Variants in NFIC observed in about 807,000 individuals in gnomAD.
The protein encoded by NFIC is nuclear factor I C.
Under a neutral mutation model 54.4 loss-of-function variants are expected in NFIC, and 12 were observed. The observed-to-expected ratio is 0.22, with a 90% CI of 0.14 to 0.36. NFIC has a LOEUF of 0.36. Ranked by LOEUF, NFIC falls within the 10% of genes least tolerant of loss-of-function variation. The pLI is 1.00. For synonymous variants in NFIC, 322 were observed against 319.2 expected (o/e 1.01, Z -0.09); for missense variants, 575 against 718.2 (o/e 0.80, Z 2.28).
intron 2 of NFIC, among the ~76,000 whole-genome samples, chr19:3,395,316 A>G (rs1236614939): frequency 1.3e-5 from 2 of 151,770 alleles, no homozygotes; most frequent in Non-Finnish European, 2.9e-5. Flanking sequence ...CAGAGATCGC[A>G]CCACTGTACT....
chr19:3,388,837 T>G (rs557703109), intron 2 of NFIC, among the ~76,000 whole-genome samples: 1 of 21,182 alleles, frequency 4.7e-5, no homozygotes, highest in Non-Finnish European at 7.0e-5. Context: ...CTAAAAACCG[T>G]TTTTTTTAAG....
intron 2 of NFIC, among the ~76,000 whole-genome samples, chr19:3,417,164 C>T (rs889560289): frequency 1.3e-5 from 2 of 151,678 alleles, no homozygotes; most frequent in Non-Finnish European, 2.9e-5. Flanking sequence ...GGATTACAGG[C>T]GTGTGCCACC....
At chr19:3,365,350 T>A (rs948078912), upstream of NFIC, among the ~76,000 whole-genome samples, 12 of 152,298 alleles carry the variant, frequency 7.9e-5, no homozygotes, top group Admixed American at 7.8e-4. Context: ...TCTGCTAAGG[T>A]CATTGTCCTT....
chr19:3,382,011 C>A lies in NFIC; in HGVS notation c.330C>A (p.Asp110Glu). 6.2e-7 allele frequency: 1 copy of A among 1,613,582 alleles called. No homozygotes were observed. The highest frequency in any genetic ancestry group is 8.5e-7 in the Non-Finnish European group (1 of 1,179,928). Residue 110 changes from aspartate to glutamate, a missense_variant, in exon 2 of 11, where the codon GAC (aspartate) becomes GAA (glutamate). By Grantham distance (45) the Asp-to-Glu change is conservative. Coordinates refer to ENST00000443272, the MANE Select transcript of NFIC (RefSeq NM_001245002.2). ...KAPGCVLSNP[D>E]QKGKMRRIDC... is the part of the protein sequence containing the mutation. Reference sequence around the variant, plus strand: ...CGGGCTGCGTGCTCTCCAACCCCGACCAGAAGGGCAAGATGCGGCGCATCG... The same window carrying A: ...CGGGCTGCGTGCTCTCCAACCCCGAACAGAAGGGCAAGATGCGGCGCATCG...
intron 2 of NFIC, among the ~76,000 whole-genome samples, chr19:3,417,807 T>G (rs2081889340): frequency 6.8e-6 from 1 of 146,680 alleles, no homozygotes; most frequent in Admixed American, 6.8e-5. Context: ...TTTTTTTTTT[T>G]GTATTTTTTT....
chr19:3,380,948 C>G (rs2081196022), intron 1 of NFIC, among the ~76,000 whole-genome samples: 1 of 152,110 alleles, frequency 6.6e-6, no homozygotes, highest in Non-Finnish European at 1.5e-5. Context: ...GCCATTACAC[C>G]CAGCCCAACC....
chr19:3,455,466 G>A (rs192261442), intron 9 of NFIC, among the ~76,000 whole-genome samples: 157 of 140,706 alleles, frequency 1.1e-3, no homozygotes, highest in Admixed American at 2.3e-3. Flanking sequence ...CTCAGGGCTC[G>A]GTGGGATTAT....
intron 3 of NFIC, among the ~76,000 whole-genome samples, chr19:3,431,639 G>A (rs1173557529): frequency 8.5e-5 from 13 of 152,058 alleles, no homozygotes. Flanking sequence ...AAAGTGCTGG[G>A]ACTATAGGCA....
chr19:3,381,606 C>G lies in NFIC; in HGVS notation c.31-106C>G, dbSNP rs868421891. 3.6e-5 allele frequency: 53 copies of G among 1,455,702 alleles called. 2 individuals carry two copies. In the South Asian group the frequency reaches 7.2e-4, roughly 20 times the overall value. The allele number at this position is 1,455,702 out of a possible 1,614,324, so 90.2% of individuals were successfully genotyped here. On this transcript the variant is annotated intron_variant, in intron 1 of 10. Transcript: ENST00000443272. ...CCACCTCTGCCCAGCCCCTCCCACT[C>G]TGCGGGTCTGTTCAGGGCCCCTCCG...
At chr19:3,372,584 C>A (rs938929228) in intron 1 of NFIC, among the ~76,000 whole-genome samples, 4 of 152,074 alleles carry the variant, frequency 2.6e-5, no homozygotes. Context: ...ATGTGGTGTG[C>A]GACCGACCTC....
chr19:3,394,248 G>A (rs2081421811), intron 2 of NFIC, among the ~76,000 whole-genome samples: 1 of 152,066 alleles, frequency 6.6e-6, no homozygotes, highest in South Asian at 2.1e-4. Context: ...GGAGGCTGAG[G>A]TGGGAGGATC....
rs958200321 is a variant in NFIC, at chr19:3,370,474, C to T, written c.30+3808C>T. 1.4e-5 allele frequency among the ~76,000 whole-genome samples: 2 copies of T among 143,430 alleles called. No individual in the cohort carries two copies. Among genetic ancestry groups the T allele is most frequent in the Non-Finnish European group, 3.0e-5 (2 of 66,792 alleles). 94.1% of individuals were successfully genotyped at this position (143,430 alleles called of 152,430 possible). A position where few individuals can be genotyped will look rare whatever the true frequency, so the allele number is the denominator to read the frequency against. ...AAAGCTGGGATTCTGGCAGAGTCAG[C>T]GTTCTCCTCTCTCTCTCTCTCTCTC... On this transcript the variant is annotated intron_variant, in intron 1 of 10. Transcript: ENST00000443272. The surrounding 1 kb of genome is among the most constrained non-coding windows in gnomAD (Gnocchi z 5.2).
chr19:3,418,038 G>A (rs1169367587), intron 2 of NFIC, among the ~76,000 whole-genome samples: 2 of 151,496 alleles, frequency 1.3e-5, no homozygotes, highest in African/African-American at 4.8e-5. Flanking sequence ...GCCACGTGTG[G>A]CTCTTTGGTG....
chr19:3,433,570 T>C lies in NFIC; in HGVS notation c.687T>C (p.Thr229=), dbSNP rs752725950. The change falls in exon 4 of 11, where the codon ACT becomes ACC. Residue 229 remains threonine, a synonymous_variant. Coordinates refer to ENST00000443272, the MANE Select transcript of NFIC (RefSeq NM_001245002.2). ...TCACCTCCGGCGTGTTCAGCGTCAC[T>C]GAGCTCATCCAAGTGTCCCGGAGTG... ...SFVTSGVFSV[T]ELIQVSRTPV... 2 of 1,613,576 alleles carry C rather than the reference T, an allele frequency of 1.2e-6. No individual in the cohort carries two copies. The highest frequency in any genetic ancestry group is 1.7e-5 in the Admixed American group (1 of 60,002).
rs1053615396 is a variant in NFIC at position 3,431,369 on chromosome 19, T to C, written c.635-2149T>C. ...TTTTCTTTTCCTTCTTCTTTTTTTTTTTTTTTTTTTTTTTTTTGAGACAGG... is the reference window on the plus strand; with the variant it reads ...TTTTCTTTTCCTTCTTCTTTTTTTTCTTTTTTTTTTTTTTTTTGAGACAGG... On this transcript the variant is annotated intron_variant, in intron 3 of 10. Transcript: ENST00000443272. 2.8e-4 allele frequency among the ~76,000 whole-genome samples: 37 copies of C among 130,278 alleles called. 1 individual carries two copies. Among genetic ancestry groups the C allele is most frequent in the Non-Finnish European group, 1.7e-4 (11 of 63,616 alleles). The allele number at this position is 130,278 out of a possible 152,430, so 85.5% of individuals were successfully genotyped here. A position where few individuals can be genotyped will look rare whatever the true frequency, so the allele number is the denominator to read the frequency against.
Position 3,452,542 on chromosome 19 carries a change from C to G in NFIC, c.1145C>G (p.Pro382Arg). 1 of 1,613,726 alleles carries G rather than the reference C, an allele frequency of 6.2e-7. No individual in the cohort carries two copies. Among genetic ancestry groups the G allele is most frequent in the South Asian group, 1.1e-5 (1 of 91,082 alleles). Residue 382 changes from proline (P) to arginine (R), a missense_variant, in exon 8 of 11, where the codon CCC becomes CGC. By Grantham distance (103) the Pro-to-Arg change is moderately radical (BLOSUM62 -2). This residue lies in a region of NFIC where 447 missense variants were observed against 526.9 expected (regional missense o/e 0.85). Coordinates refer to ENST00000443272, the MANE Select transcript of NFIC (RefSeq NM_001245002.2). The surrounding 1 kb of genome is among the most constrained non-coding windows in gnomAD (Gnocchi z 5.3). ...ALHFPTTSIL[P>R]QTASTYFPHT... Reference sequence around the variant, plus strand: ...CATTTCCCTACGACGTCCATCCTACCCCAGACGGCCTCCACCTACTTCCCC... The same window carrying G: ...CATTTCCCTACGACGTCCATCCTACGCCAGACGGCCTCCACCTACTTCCCC...
At chr19:3,387,171 C>T (rs1329013695) in intron 2 of NFIC, among the ~76,000 whole-genome samples, 2 of 152,132 alleles carry the variant, frequency 1.3e-5, no homozygotes, top group Admixed American at 1.3e-4. Context: ...GGGCACCTGC[C>T]ATGGGGCTGA....
rs1184211402 is a variant in NFIC at position 3,394,527 on chromosome 19, C to CCG, written c.562+12285_562+12286insGC. Among the ~76,000 whole-genome samples, 69 of 62,014 alleles carry CCG rather than the reference C, an allele frequency of 1.1e-3. 14 individuals carry two copies. The highest frequency in any genetic ancestry group is 7.3e-3 in the East Asian group (11 of 1,506). 40.7% of individuals were successfully genotyped at this position (62,014 alleles called of 152,430 possible). On this transcript the variant is annotated intron_variant, in intron 2 of 10. Coordinates refer to ENST00000443272, the MANE Select transcript of NFIC (RefSeq NM_001245002.2). The stretch of plus-strand genomic sequence containing the variant: ...TTTATGATCTTTTCCCCACCCACCC[C>CCG]CCACCCGCTTACACTAAGTCTGAAA...
chr19:3,376,307 G>C (rs1275312503), intron 1 of NFIC, among the ~76,000 whole-genome samples: 1 of 150,758 alleles, frequency 6.6e-6, no homozygotes, highest in Admixed American at 6.6e-5. Context: ...GGCGCACCTG[G>C]AATCCCAGCT....
Sources: allele counts gnomAD v4.1 joint callset (sites outside exome capture counted in the v4.1 genomes callset), GRCh38; gene constraint gnomAD v4.1.1; regional missense constraint gnomAD v4.1.1; non-coding constraint Gnocchi (gnomAD v3.1); transcripts MANE v1.5; gene names NCBI Gene and HGNC (gene_info 2026-07-23, HGNC 2026-07-21).